H3C4: variants seen among roughly 807,000 people sequenced by gnomAD.
H3C4 encodes histone H3.1.
H3C4 carries 10 observed loss-of-function variants against 8.7 expected under a neutral mutation model. That is an observed-to-expected ratio of 1.15 (90% CI 0.71 to 1.96). The LOEUF (loss-of-function observed/expected upper bound fraction) is 1.96, where lower values mean the gene tolerates loss of function less well. H3C4 is among the 30% of genes most tolerant of loss of function. The pLI is 0.00. For synonymous variants in H3C4, 141 were observed against 80.1 expected (o/e 1.76, Z -4.06); for missense variants, 216 against 192.9 (o/e 1.12, Z -0.71).
upstream of H3C4, among the ~76,000 whole-genome samples, chr6:26,197,881 TA>T (rs79006416): frequency 0.021 from 2,174 of 105,170 alleles, 46 homozygotes; most frequent in African/African-American, 0.054. Flanking sequence ...TAATCTGCTG[TA>T]AAAAAAAAAA....
upstream of H3C4, chr6:26,199,190 G>A (rs745831703): frequency 2.5e-6 from 4 of 1,613,984 alleles, no homozygotes; most frequent in East Asian, 2.2e-5. Context: ...CCCGCGAAGA[G>A]CGGGTCTTAG....
upstream of H3C4, chr6:26,199,264 G>A (rs200459903): frequency 7.7e-5 from 122 of 1,586,416 alleles, no homozygotes; most frequent in African/African-American, 1.4e-3. Context: ...TAAAAACGAT[G>A]TTAAGCAATG....
upstream of H3C4, chr6:26,199,032 G>T: frequency 1.2e-6 from 2 of 1,614,130 alleles, no homozygotes; most frequent in Non-Finnish European, 1.7e-6. Context: ...GTTGTCGCGG[G>T]CGGCGTTGCC....
upstream of H3C4, chr6:26,199,232 G>T (rs767043422): frequency 1.9e-6 from 3 of 1,596,312 alleles, no homozygotes; most frequent in Non-Finnish European, 2.6e-6. Context: ...CTTGCTTGCC[G>T]CGTCCGGACA....
rs368607006 is a variant in H3C4, at chr6:26,196,906, G to C, written c.345C>G (p.Ala115=). 4 of 1,614,242 alleles carry C rather than the reference G, an allele frequency of 2.5e-6. No individual in the cohort carries two copies. The highest frequency in any genetic ancestry group is 4.5e-5 in the East Asian group (2 of 44,892). ...CCTTGGGCATGATAGTCACTCGCTTGGCGTGAATGGCGCATAGGTTGGTGT... is the reference window on the plus strand; with the variant it reads ...CCTTGGGCATGATAGTCACTCGCTTCGCGTGAATGGCGCATAGGTTGGTGT... ...FEDTNLCAIH[A]KRVTIMPKDI... The change falls in exon 1 of 1, where the codon GCC becomes GCG. Residue 115 remains alanine, a synonymous_variant. Transcript: ENST00000356476.
chr6:26,196,923 G>GCAAC lies in H3C4; in HGVS notation c.327_328insGTTG (p.Leu110ValfsTer37). 1 of 1,614,252 alleles carries GCAAC rather than the reference G, an allele frequency of 6.2e-7. No homozygotes were observed. The highest frequency in any genetic ancestry group is 1.1e-5 in the South Asian group (1 of 91,088). ...ACTCGCTTGGCGTGAATGGCGCATA[G>GCAAC]GTTGGTGTCCTCAAACAGCCCCACC... On this transcript the variant is annotated frameshift_variant, in exon 1 of 1. Coordinates refer to ENST00000356476, the MANE Select transcript of H3C4 (RefSeq NM_001376937.1). LOFTEE classifies it high-confidence loss of function.
chr6:26,199,062 G>A (rs1206452301), upstream of H3C4: 31 of 1,614,218 alleles, frequency 1.9e-5, no homozygotes, highest in Non-Finnish European at 2.5e-5. Flanking sequence ...CAGGATCTCG[G>A]CGGTCAGGTA....
upstream of H3C4, chr6:26,198,750 T>C: frequency 8.3e-7 from 1 of 1,202,202 alleles, no homozygotes. Context: ...AATAGCTATT[T>C]ACACAGAAAA....
upstream of H3C4, among the ~76,000 whole-genome samples, chr6:26,198,115 T>TA (rs1765024014): frequency 6.6e-6 from 1 of 152,172 alleles, no homozygotes; most frequent in Non-Finnish European, 1.5e-5. Context: ...TTCGTATCAT[T>TA]AAGATGCATA....
At chr6:26,198,964 G>T (rs139406782), upstream of H3C4, 3 of 1,614,120 alleles carry the variant, frequency 1.9e-6, no homozygotes, top group East Asian at 2.2e-5. Flanking sequence ...AACTTGTTTA[G>T]CTCCTCGTCG....
Position 26,196,803 on chromosome 6 carries a change from C to G in H3C4, c.*37G>C. The G allele has an allele frequency of 1.9e-6, 3 of 1,610,810 alleles. No individual in the cohort carries two copies. The highest frequency in any genetic ancestry group is 1.7e-6 in the Non-Finnish European group (2 of 1,178,538). On this transcript the variant is annotated 3_prime_UTR_variant, in exon 1 of 1. Coordinates refer to ENST00000356476, the MANE Select transcript of H3C4 (RefSeq NM_001376937.1). ...AAAAGGTGGTTGGCTCTGAAAAGAGCCTTTGGGTTTTGGTTAGCACACATT... is the reference window on the plus strand; with the variant it reads ...AAAAGGTGGTTGGCTCTGAAAAGAGGCTTTGGGTTTTGGTTAGCACACATT...
chr6:26,197,553 G>A (rs1765004141), upstream of H3C4, among the ~76,000 whole-genome samples: 1 of 152,000 alleles, frequency 6.6e-6, no homozygotes, highest in African/African-American at 2.4e-5. Context: ...CTAGGATGAC[G>A]TGTCTTAATT....
Position 26,197,252 on chromosome 6 carries a change from G to C in H3C4, c.-2C>G. ...AGCAGTCTGCTTGGTACGAGCCATT[G>C]CGAACTTCTAAACCCTGCTAAATGA... On this transcript the variant is annotated 5_prime_UTR_variant, in exon 1 of 1. Coordinates refer to ENST00000356476, the MANE Select transcript of H3C4 (RefSeq NM_001376937.1). The C allele has an allele frequency of 6.2e-7, 1 of 1,609,646 alleles. No individual in the cohort carries two copies. Among genetic ancestry groups the C allele is most frequent in the Non-Finnish European group, 8.5e-7 (1 of 1,178,914 alleles).
chr6:26,198,708 A>G (rs1765045153), upstream of H3C4: 2 of 778,460 alleles, frequency 2.6e-6, no homozygotes, highest in Non-Finnish European at 4.1e-6. Flanking sequence ...ACACCCACTT[A>G]TAAATGGAAA....
chr6:26,197,581 G>A (rs1194412264), upstream of H3C4, among the ~76,000 whole-genome samples: 1 of 151,912 alleles, frequency 6.6e-6, no homozygotes, highest in South Asian at 2.1e-4. Flanking sequence ...AAATGTTGGC[G>A]CTGAAACTGG....
upstream of H3C4, chr6:26,199,267 A>C (rs1383554705): frequency 6.3e-7 from 1 of 1,582,424 alleles, no homozygotes; most frequent in Non-Finnish European, 8.5e-7. Context: ...AAACGATGTT[A>C]AGCAATGAAG....
upstream of H3C4, among the ~76,000 whole-genome samples, chr6:26,198,343 GTTTGT>G (rs1180184895): frequency 6.6e-6 from 1 of 151,922 alleles, no homozygotes; most frequent in South Asian, 2.1e-4. Context: ...TTGGGTTTTT[GTTTGT>G]TTTGAGACAG....
rs1764989953 is a variant in H3C4, at chr6:26,197,164, G to A, written c.87C>T (p.Ser29=). The part of the protein sequence containing the change: ...KQLATKAARK[S]APATGGVKKP... ...TCTTCACGCCGCCGGTGGCTGGAGC[G>A]CTCTTTCGAGCAGCCTTGGTGGCCA... Residue 29 remains serine (S), a synonymous_variant, in exon 1 of 1, where the codon AGC becomes AGT. Transcript: ENST00000356476. 6.2e-7 allele frequency: 1 copy of A among 1,614,086 alleles called. No individual in the cohort carries two copies. Among genetic ancestry groups the A allele is most frequent in the Non-Finnish European group, 8.5e-7 (1 of 1,179,998 alleles).
upstream of H3C4, chr6:26,199,115 T>G (rs1406876778): frequency 2.5e-6 from 4 of 1,614,156 alleles, no homozygotes; most frequent in Non-Finnish European, 3.4e-6. Context: ...CGGCCCCGAC[T>G]CGCTCGGAGT....
Sources: allele counts gnomAD v4.1 joint callset (sites outside exome capture counted in the v4.1 genomes callset), GRCh38; gene constraint gnomAD v4.1.1; transcripts MANE v1.5; gene names NCBI Gene and HGNC (gene_info 2026-07-23, HGNC 2026-07-21).